Variants in ETV6 observed in about 807,000 individuals in gnomAD.
ETV6 encodes the protein transcription factor ETV6.
In ETV6, 16 loss-of-function variants were observed where a neutral mutation model predicts 51.1. The ratio of observed to expected loss-of-function variants is 0.31; its 90% confidence interval spans 0.21 to 0.48. The LOEUF (loss-of-function observed/expected upper bound fraction) is 0.48, where lower values mean the gene tolerates loss of function less well. Among genes scored for constraint, ETV6 ranks in the 20% least tolerant of loss-of-function variants. The pLI is 0.99. For missense variants in ETV6, 458 were observed against 594.8 expected, an observed-to-expected ratio of 0.77 and a Z score of 2.39; for synonymous variants, 240 against 224.1, an observed-to-expected ratio of 1.07 and a Z score of -0.64.
intron 5 of ETV6, among the ~76,000 whole-genome samples, chr12:11,880,825 G>A (rs1947079419): frequency 6.6e-6 from 1 of 152,172 alleles, no homozygotes; most frequent in South Asian, 2.1e-4. Flanking sequence ...CCAATCCAGA[G>A]GAATCCAATG....
intron 1 of ETV6, among the ~76,000 whole-genome samples, chr12:11,751,633 C>A (rs1219087780): frequency 1.3e-5 from 2 of 152,204 alleles, no homozygotes. Flanking sequence ...ACAAACACTG[C>A]TTGTTTGAAT....
intron 2 of ETV6, among the ~76,000 whole-genome samples, chr12:11,756,554 C>T (rs1055484634): frequency 6.6e-6 from 1 of 152,188 alleles, no homozygotes; most frequent in Non-Finnish European, 1.5e-5. Context: ...ACCAAGGACC[C>T]CCAAGGGTGC....
intron 1 of ETV6, among the ~76,000 whole-genome samples, chr12:11,730,683 C>A (rs1459812759): frequency 2.0e-5 from 3 of 152,314 alleles, no homozygotes; most frequent in Middle Eastern, 3.4e-3. Context: ...CTCTCTCCAC[C>A]GCAGAATGTG....
At chr12:11,711,863 T>C (rs1435145210) in intron 1 of ETV6, among the ~76,000 whole-genome samples, 1 of 152,232 alleles carries the variant, frequency 6.6e-6, no homozygotes, top group Non-Finnish European at 1.5e-5. Context: ...AATTGTATGG[T>C]ATTTCCCAAC....
At chr12:11,875,029 A>G (rs1215768324) in intron 5 of ETV6, among the ~76,000 whole-genome samples, 1 of 136,306 alleles carries the variant, frequency 7.3e-6, no homozygotes, top group Non-Finnish European at 1.6e-5. Flanking sequence ...CATGTACCCT[A>G]AAACTTAAAG....
At chr12:11,844,030 A>G (rs1946426926) in intron 3 of ETV6, among the ~76,000 whole-genome samples, 1 of 151,960 alleles carries the variant, frequency 6.6e-6, no homozygotes. Flanking sequence ...GATAGTTATC[A>G]CATTAACTGG....
intron 1 of ETV6, among the ~76,000 whole-genome samples, chr12:11,723,635 G>A (rs913107570): frequency 1.3e-5 from 2 of 152,032 alleles, no homozygotes; most frequent in Admixed American, 6.6e-5. Context: ...CTTGAATCTC[G>A]TTATCCTTAA....
At chr12:11,769,454 C>T (rs892783807) in intron 2 of ETV6, among the ~76,000 whole-genome samples, 15 of 150,702 alleles carry the variant, frequency 1.0e-4, no homozygotes, top group East Asian at 2.0e-4. Flanking sequence ...AAAAAAAAAA[C>T]GATTTTGATG....
chr12:11,781,822 A>G (rs1945418958), intron 2 of ETV6, among the ~76,000 whole-genome samples: 1 of 152,158 alleles, frequency 6.6e-6, no homozygotes, highest in South Asian at 2.1e-4. Context: ...TGGCTTCTAT[A>G]TTAGATGAGT....
rs1258102046 is a variant in ETV6, at chr12:11,894,338, T to G, written c.*3292T>G. 4.3e-6 allele frequency: 1 copy of G among 232,988 alleles called. No individual in the cohort carries two copies. Among genetic ancestry groups the G allele is most frequent in the Non-Finnish European group, 8.5e-6 (1 of 117,952 alleles). The allele number at this position is 232,988 out of a possible 1,614,324, so 14.4% of individuals were successfully genotyped here. On this transcript the variant is annotated 3_prime_UTR_variant, in exon 8 of 8. Coordinates refer to ENST00000396373, the MANE Select transcript of ETV6 (RefSeq NM_001987.5). ...AAGTTCTCATTCCTACATCTCAAGC[T>G]AGCCAGGCAGTCTCCTCTCTATCAG...
At chr12:11,667,738 G>A (rs965104878) in intron 1 of ETV6, among the ~76,000 whole-genome samples, 2 of 123,128 alleles carry the variant, frequency 1.6e-5, no homozygotes, top group Admixed American at 1.1e-4. Flanking sequence ...AGTCTCACTC[G>A]GCCGCCCAGG....
chr12:11,652,405 AC>A (rs1397599835), intron 1 of ETV6, among the ~76,000 whole-genome samples: 2 of 152,240 alleles, frequency 1.3e-5, no homozygotes, highest in African/African-American at 4.8e-5. Flanking sequence ...GGGATGTGGT[AC>A]GGTGACTGCA....
chr12:11,785,841 A>G (rs1000524167), intron 2 of ETV6, among the ~76,000 whole-genome samples: 12 of 152,148 alleles, frequency 7.9e-5, no homozygotes, highest in Non-Finnish European at 1.3e-4. Context: ...CACGTTGCCT[A>G]CACCCTTCAC....
At position 11,892,233 on chromosome 12, in the gene ETV6, T is replaced by TC. The variant is rs1262769671; in HGVS notation, c.*1188dup. The TC allele has an allele frequency of 1.3e-5, 3 of 227,034 alleles. No homozygotes were observed. The highest frequency in any genetic ancestry group is 1.1e-4 in the Admixed American group (2 of 17,400). The allele number at this position is 227,034 out of a possible 1,614,324, so 14.1% of individuals were successfully genotyped here. Reference sequence around the variant, plus strand: ...TGATTTTTTTTTTTTTTTTTTTTTTTCAATTCCTAACCTTTTTTAAAGTTT... The same window carrying TC: ...TGATTTTTTTTTTTTTTTTTTTTTTTCCAATTCCTAACCTTTTTTAAAGTTT... On this transcript the variant is annotated 3_prime_UTR_variant, in exon 8 of 8. Coordinates refer to ENST00000396373, the MANE Select transcript of ETV6 (RefSeq NM_001987.5).
chr12:11,664,241 C>T (rs1414578262), intron 1 of ETV6, among the ~76,000 whole-genome samples: 1 of 152,220 alleles, frequency 6.6e-6, no homozygotes, highest in Non-Finnish European at 1.5e-5. Flanking sequence ...GCTGTGTTAG[C>T]AGCTGCTGTA....
At chr12:11,700,052 C>T (rs757740985) in intron 1 of ETV6, among the ~76,000 whole-genome samples, 1 of 152,126 alleles carries the variant, frequency 6.6e-6, no homozygotes, top group Non-Finnish European at 1.5e-5. Context: ...CTAGGATGCC[C>T]TGGGCCATTT....
At chr12:11,812,410 C>A (rs1374848130) in intron 2 of ETV6, among the ~76,000 whole-genome samples, 1 of 152,222 alleles carries the variant, frequency 6.6e-6, no homozygotes, top group Admixed American at 6.5e-5. Flanking sequence ...GAACCCCCCA[C>A]AAATTATAGC....
chr12:11,804,780 T>G (rs556241554), intron 2 of ETV6, among the ~76,000 whole-genome samples: 1 of 152,340 alleles, frequency 6.6e-6, no homozygotes, highest in South Asian at 2.1e-4. Flanking sequence ...ATGGCCATTC[T>G]TGTGCACAGC....
At chr12:11,823,435 GT>G (rs1349907501) in intron 2 of ETV6, among the ~76,000 whole-genome samples, 2 of 150,926 alleles carry the variant, frequency 1.3e-5, no homozygotes, top group Admixed American at 1.3e-4. Context: ...TGTCTTTACT[GT>G]TGTTTTAATC....
Sources: gnomAD v4.1 joint callset for allele counts (sites outside exome capture counted in the v4.1 genomes callset) on GRCh38, gnomAD v4.1.1 for gene constraint, MANE v1.5 for transcripts, NCBI Gene and HGNC (gene_info 2026-07-23, HGNC 2026-07-21) for gene names.